Variants in CYP11A1 observed in about 807,000 individuals in gnomAD.
CYP11A1 encodes cytochrome P450 family 11 subfamily A member 1.
A neutral mutation model predicts 51.9 loss-of-function variants in CYP11A1; 25 were observed. The observed-to-expected ratio is 0.48, with a 90% CI of 0.35 to 0.67. The LOEUF (loss-of-function observed/expected upper bound fraction) is 0.67. Ranked by LOEUF, CYP11A1 falls within the 30% of genes least tolerant of loss-of-function variation. The pLI is 0.00. For synonymous variants in CYP11A1, 245 were observed against 262.1 expected, an observed-to-expected ratio of 0.93 and a Z score of 0.63; for missense variants, 578 against 680.9, an observed-to-expected ratio of 0.85 and a Z score of 1.68.
chr15:74,352,264 CTTTT>C lies in CYP11A1; in HGVS notation c.270-4213_270-4210del, dbSNP rs34304260. Among the ~76,000 whole-genome samples, 355 of 86,096 alleles carry C rather than the reference CTTTT, an allele frequency of 4.1e-3. 1 individual carries two copies. The highest frequency in any genetic ancestry group is 0.029 in the South Asian group (69 of 2,382). 56.5% of individuals were successfully genotyped at this position (86,096 alleles called of 152,430 possible). On this transcript the variant is annotated intron_variant, in intron 1 of 8. Coordinates refer to ENST00000268053, the MANE Select transcript of CYP11A1 (RefSeq NM_000781.3). ...TGAATTTTATGTTTGTCTTTGCTAT[CTTTT>C]TTTTTTTTTTTTTTTTTTTGAGACA...
At position 74,343,013 on chromosome 15, in the gene CYP11A1, G is replaced by A; in HGVS notation, c.954C>T (p.Ala318=). 9.9e-6 allele frequency: 16 copies of A among 1,612,812 alleles called. No homozygotes were observed. Among genetic ancestry groups the A allele is most frequent in the Non-Finnish European group, 1.4e-5 (16 of 1,180,024 alleles). Residue 318 remains alanine (A), a synonymous_variant, in exon 5 of 9, where the codon GCC becomes GCT. Coordinates refer to ENST00000268053, the MANE Select transcript of CYP11A1 (RefSeq NM_000781.3). ...DSKMSFEDIK[A]NVTEMLAGGV... is the part of the protein sequence containing the mutation. ...CTCCTGCCAGCATCTCTGTGACGTT[G>A]GCCTTGATGTCCTCGAAGGACATCT...
At position 74,347,902 on chromosome 15, in the gene CYP11A1, C is replaced by A. The variant is rs750082747; in HGVS notation, c.423G>T (p.Leu141Phe). The A allele has an allele frequency of 9.9e-6, 16 of 1,614,064 alleles. No individual in the cohort carries two copies. Among genetic ancestry groups the A allele is most frequent in the Non-Finnish European group, 1.4e-5 (16 of 1,180,012 alleles). ...CTGGGAGATGGCCCAGGACTCACTT[C>A]AACAGGACTCCTATGGGTCTCTGGT... is the stretch of plus-strand genomic sequence containing the variant. The part of the protein sequence containing the change: ...QYYQRPIGVL[L>F]KKSAAWKKDR... Residue 141 changes from leucine to phenylalanine, a missense_variant and splice_region_variant, in exon 2 of 9, where the codon TTG (leucine) becomes TTT (phenylalanine). Coordinates refer to ENST00000268053, the MANE Select transcript of CYP11A1 (RefSeq NM_000781.3).
chr15:74,347,876 C>T, intron 2 of CYP11A1, 24 bp downstream of exon 2: 3 of 1,613,130 alleles, frequency 1.9e-6, no homozygotes, highest in Non-Finnish European at 2.5e-6. Context: ...CCCTCCAGTC[C>T]CTGGGAGATG....
At chr15:74,351,838 C>G (rs1596163820) in intron 1 of CYP11A1, among the ~76,000 whole-genome samples, 3 of 152,188 alleles carry the variant, frequency 2.0e-5, no homozygotes, top group Admixed American at 2.0e-4. Flanking sequence ...CATGTGACAC[C>G]CTGCTTTGAA....
intron 2 of CYP11A1, among the ~76,000 whole-genome samples, chr15:74,346,103 A>G (rs1384855283): frequency 1.3e-5 from 2 of 152,228 alleles, no homozygotes; most frequent in Non-Finnish European, 2.9e-5. Context: ...CTGTAATCCC[A>G]GCATTTTGGG....
intron 1 of CYP11A1, chr15:74,361,617 G>A: frequency 8.5e-7 from 1 of 1,170,860 alleles, no homozygotes; most frequent in Non-Finnish European, 1.3e-6. Flanking sequence ...CGTCTCCTTT[G>A]AGCTGTTTGC....
At chr15:74,349,849 G>A (rs562916707) in intron 1 of CYP11A1, among the ~76,000 whole-genome samples, 1 of 152,296 alleles carries the variant, frequency 6.6e-6, no homozygotes, top group South Asian at 2.1e-4. Flanking sequence ...GGAGGCTGAG[G>A]AGGGAGAGGG....
intron 1 of CYP11A1, among the ~76,000 whole-genome samples, chr15:74,358,052 G>A (rs1403057942): frequency 1.3e-5 from 2 of 152,174 alleles, no homozygotes; most frequent in African/African-American, 4.8e-5. Flanking sequence ...TGTTGTATGG[G>A]CTGAAAGAGG....
At chr15:74,359,161 A>G (rs961128025) in intron 1 of CYP11A1, among the ~76,000 whole-genome samples, 1 of 152,178 alleles carries the variant, frequency 6.6e-6, no homozygotes, top group Non-Finnish European at 1.5e-5. Context: ...ATCATTCTAC[A>G]TGACAAATGC....
Position 74,367,530 on chromosome 15 carries a change from A to C in CYP11A1, c.56T>G (p.Phe19Cys). The C allele has an allele frequency of 6.2e-7, 1 of 1,614,124 alleles. No homozygotes were observed. Reference protein sequence around the residue: ...RSVLVKGCQTFLSAPREGLGR... With the variant: ...RSVLVKGCQTCLSAPREGLGR... ...CAGCCCCTCCCTGGGGGCACTCAGA[A>C]AGGTCTGGCAGCCTTTGACCAGGAC... is the stretch of plus-strand genomic sequence containing the variant. Residue 19 changes from phenylalanine to cysteine, a missense_variant, in exon 1 of 9, where the codon TTT becomes TGT. Physicochemically the swap from Phe to Cys is radical, Grantham distance 205. Coordinates refer to ENST00000268053, the MANE Select transcript of CYP11A1 (RefSeq NM_000781.3).
In CYP11A1 at chr15:74,339,240, G is replaced by A. The variant is rs1250389314; in HGVS notation, c.1233C>T (p.Ala411=). 1 of 1,613,116 alleles carries A rather than the reference G, an allele frequency of 6.2e-7. No individual in the cohort carries two copies. The highest frequency in any genetic ancestry group is 1.7e-5 in the Admixed American group (1 of 60,024). The change falls in exon 7 of 9, where the codon GCC becomes GCT. Residue 411 remains alanine (A), a synonymous_variant. Transcript: ENST00000268053. ...DLVLRDYMIP[A]KTLVQVAIYA... ...GCAGCCTGCTGGCTGCACCTACCTTGGCAGGAATCATGTAATCTCGAAGAA... is the reference window on the plus strand; with the variant it reads ...GCAGCCTGCTGGCTGCACCTACCTTAGCAGGAATCATGTAATCTCGAAGAA...
intron 5 of CYP11A1, among the ~76,000 whole-genome samples, chr15:74,341,236 T>C (rs1447146177): frequency 2.6e-5 from 4 of 152,220 alleles, no homozygotes; most frequent in Admixed American, 1.3e-4. Flanking sequence ...CCATATAGTA[T>C]GTGCTTAATA....
intron 1 of CYP11A1, among the ~76,000 whole-genome samples, chr15:74,365,211 A>G (rs2060726713): frequency 6.6e-6 from 1 of 152,068 alleles, no homozygotes; most frequent in Admixed American, 6.5e-5. Context: ...ACTCTTAGCA[A>G]AGAACCCAGG....
At chr15:74,339,435 G>T (rs2060595762) in intron 6 of CYP11A1, 120 bp from the exon 7 acceptor site, 1 of 1,388,024 alleles carries the variant, frequency 7.2e-7, no homozygotes, top group African/African-American at 1.4e-5. Context: ...CCTGGGGGTA[G>T]GGCCCTGGCT....
At chr15:74,342,903 C>T in intron 5 of CYP11A1, 74 bp downstream of exon 5, 1 of 1,510,594 alleles carries the variant, frequency 6.6e-7, no homozygotes, top group African/African-American at 1.4e-5. Context: ...GGGTTTCAGA[C>T]AACGAGGGGC....
At chr15:74,364,710 G>T in intron 1 of CYP11A1, 1 of 152,412 alleles carries the variant, frequency 6.6e-6, no homozygotes. Context: ...AATAAAATAA[G>T]GAGTTGCTAC....
In CYP11A1 at chr15:74,339,674, A is replaced by G; in HGVS notation, c.1070T>C (p.Leu357Ser). The G allele has an allele frequency of 6.2e-7, 1 of 1,614,114 alleles. No individual in the cohort carries two copies. The highest frequency in any genetic ancestry group is 2.2e-5 in the East Asian group (1 of 44,878). Residue 357 changes from leucine (L) to serine (S), a missense_variant, in exon 6 of 9, where the codon TTG (leucine) becomes TCG (serine). Leu to Ser is a moderately radical substitution (Grantham distance 145, BLOSUM62 -2). Coordinates refer to ENST00000268053, the MANE Select transcript of CYP11A1 (RefSeq NM_000781.3). ...TCCCTGGGCCTGGTGCCGCGCAGCC[A>G]AGACCTCTGCCCGCAGCATATCCTG... ...KVQDMLRAEV[L>S]AARHQAQGDM... is the part of the protein sequence containing the mutation.
chr15:74,357,921 C>G (rs1246840905), intron 1 of CYP11A1, among the ~76,000 whole-genome samples: 1 of 152,232 alleles, frequency 6.6e-6, no homozygotes, highest in African/African-American at 2.4e-5. Context: ...CTGCCCCGCT[C>G]CACTACCTCT....
At chr15:74,341,261 G>A (rs1254615328) in intron 5 of CYP11A1, among the ~76,000 whole-genome samples, 1 of 152,194 alleles carries the variant, frequency 6.6e-6, no homozygotes, top group African/African-American at 2.4e-5. Context: ...TGACCTCACA[G>A]TAATCGTTTC....
Sources: gnomAD v4.1 joint callset for allele counts (sites outside exome capture counted in the v4.1 genomes callset) on GRCh38, gnomAD v4.1.1 for gene constraint, MANE v1.5 for transcripts, NCBI Gene and HGNC (gene_info 2026-07-23, HGNC 2026-07-21) for gene names.